Variants in MBD1 observed in about 807,000 individuals in gnomAD.
MBD1 encodes methyl-CpG-binding domain protein 1.
Under a neutral mutation model 82.6 loss-of-function variants are expected in MBD1, and 25 were observed. The ratio of observed to expected loss-of-function variants is 0.30; its 90% CI spans 0.22 to 0.42. The LOEUF (loss-of-function observed/expected upper bound fraction) is 0.42. Among genes scored for constraint, MBD1 ranks in the 10% least tolerant of loss-of-function variants. MBD1 has a pLI of 1.00. For synonymous variants in MBD1, 301 were observed against 303.7 expected (o/e 0.99, Z 0.09); for missense variants, 627 against 819.6 (o/e 0.76, Z 2.87).
chr18:50,278,341 C>T (rs1270723353), intron 2 of MBD1, among the ~76,000 whole-genome samples: 1 of 152,170 alleles, frequency 6.6e-6, no homozygotes, highest in Non-Finnish European at 1.5e-5. Context: ...AAGGGGGAGA[C>T]TACTGTATTC....
In MBD1 at chr18:50,280,089, A is replaced by G. The variant is rs558639928; in HGVS notation, c.-25-72T>C. The G allele has an allele frequency of 3.4e-5, 49 of 1,452,802 alleles. No individual in the cohort carries two copies. In the African/African-American group the frequency reaches 6.3e-4, roughly 19 times the overall value. The allele number at this position is 1,452,802 out of a possible 1,614,324, so 90.0% of individuals were successfully genotyped here. A position where few individuals can be genotyped will look rare whatever the true frequency, so the allele number is the denominator to read the frequency against. ...GACAACACTGTGCCCCAGGCCACAC[A>G]AATCACTGGTATCCATTAGTGCTTG... On this transcript the variant is annotated intron_variant, in intron 1 of 16. Transcript: ENST00000269468.
intron 2 of MBD1, among the ~76,000 whole-genome samples, chr18:50,279,541 T>C (rs1439975432): frequency 6.6e-6 from 1 of 152,084 alleles, no homozygotes; most frequent in Non-Finnish European, 1.5e-5. Flanking sequence ...AGTACAAAAA[T>C]TAGAAAAATG....
chr18:50,277,272 G>A (rs1366607291), intron 2 of MBD1, 68 bp from the exon 3 acceptor site: 2 of 1,279,916 alleles, frequency 1.6e-6, no homozygotes, highest in Non-Finnish European at 2.2e-6. Context: ...ACAACCTTTT[G>A]ACAGGGCTGG....
At chr18:50,273,038 C>G (rs1186470614) in intron 13 of MBD1, 83 bp from the exon 14 acceptor site, 1 of 1,527,466 alleles carries the variant, frequency 6.5e-7, no homozygotes, top group African/African-American at 1.4e-5. Context: ...CCTCACTGTG[C>G]TGACAAATCC....
At chr18:50,279,607 G>A in intron 2 of MBD1, 1 of 410,544 alleles carries the variant, frequency 2.4e-6, no homozygotes, top group Non-Finnish European at 4.5e-6. Context: ...AGCTGAAAAG[G>A]GCTCCTTCAG....
intron 14 of MBD1, 42 bp from the exon 15 acceptor site, chr18:50,272,780 G>A (rs778596591): frequency 1.4e-5 from 23 of 1,614,244 alleles, no homozygotes; most frequent in Non-Finnish European, 1.8e-5. Context: ...GGTTGTTGGG[G>A]CTACAGCAGG....
At chr18:50,273,886 A>G (rs748799510) in intron 11 of MBD1, 23 bp from the exon 12 acceptor site, 1 of 1,609,512 alleles carries the variant, frequency 6.2e-7, no homozygotes, top group East Asian at 2.2e-5. Flanking sequence ...ATAGGGTGCT[A>G]TGGCTACCTG....
Position 50,274,318 on chromosome 18 carries a change from G to A in MBD1, c.1014C>T (p.Cys338=), listed in dbSNP as rs771728190. ...GCCGTAGGCAGGCTGCACAGGCCCCGCACTTGCGGTTCTGCCGGCGGTTCG... is the reference window on the plus strand; with the variant it reads ...GCCGTAGGCAGGCTGCACAGGCCCCACACTTGCGGTTCTGCCGGCGGTTCG... The part of the protein sequence containing the change: ...PYTNRRQNRK[C]GACAACLRRM... The change falls in exon 11 of 17, where the codon TGC becomes TGT. Residue 338 remains cysteine (C), a synonymous_variant. Coordinates refer to ENST00000269468, the MANE Select transcript of MBD1 (RefSeq NM_015846.4). 14 of 1,613,752 alleles carry A rather than the reference G, an allele frequency of 8.7e-6. No homozygotes were observed. The highest frequency in any genetic ancestry group is 5.5e-5 in the South Asian group (5 of 91,072).
chr18:50,272,641 C>T lies in MBD1; in HGVS notation c.1778+36G>A, dbSNP rs763239680. On this transcript the variant is annotated intron_variant, in intron 15 of 16. Transcript: ENST00000269468. ...CTCAGGGCCCACATCTGGCCAACAC[C>T]CACTCCTTCCCCACCCCTCACTGTG... 2.5e-6 allele frequency: 4 copies of T among 1,612,730 alleles called. No homozygotes were observed. In the South Asian group the frequency reaches 3.3e-5, roughly 13 times the overall value.
At chr18:50,271,933 C>T (rs1410151235) in intron 15 of MBD1, among the ~76,000 whole-genome samples, 1 of 152,182 alleles carries the variant, frequency 6.6e-6, no homozygotes, top group Non-Finnish European at 1.5e-5. Context: ...GTCTGGGGCT[C>T]TATGCAGGGT....
At position 50,275,474 on chromosome 18, in the gene MBD1, A is replaced by G. The variant is rs745414860; in HGVS notation, c.792+126T>C. ...CAGACAGAGGCAGGTAGGCGGGGCCAGAAAGGCGAGCATAGGGTTAGGCAG... is the reference window on the plus strand; with the variant it reads ...CAGACAGAGGCAGGTAGGCGGGGCCGGAAAGGCGAGCATAGGGTTAGGCAG... On this transcript the variant is annotated intron_variant, in intron 8 of 16. Coordinates refer to ENST00000269468, the MANE Select transcript of MBD1 (RefSeq NM_015846.4). The G allele has an allele frequency of 8.8e-6, 14 of 1,594,156 alleles. No homozygotes were observed. The South Asian group carries it at 1.3e-4, about 15-fold the overall frequency.
At chr18:50,270,148 G>C in intron 16 of MBD1, 1 of 1,598,266 alleles carries the variant, frequency 6.3e-7, no homozygotes, top group Non-Finnish European at 8.5e-7. Flanking sequence ...AGTTAGGATG[G>C]AATAAAGGAA....
Position 50,272,917 on chromosome 18 carries a change from T to C in MBD1, c.1623A>G (p.Pro541=), listed in dbSNP as rs1599302206. The change falls in exon 14 of 17, where the codon CCA becomes CCG. Residue 541 remains proline, a synonymous_variant. Transcript: ENST00000269468. ...DPGLPSVKQE[P]PDPEEDKEEN... is the part of the protein sequence containing the mutation. ...CCTCCTTGTCCTCCTCTGGGTCAGG[T>C]GGCTCTTGCTTCACAGAAGGCAGGC... The C allele has an allele frequency of 6.2e-7, 1 of 1,614,196 alleles. No homozygotes were observed.
rs2034390668 is a variant in MBD1 at position 50,268,939 on chromosome 18, A to G, written c.*912T>C. 1 of 985,072 alleles carries G rather than the reference A, an allele frequency of 1.0e-6. No homozygotes were observed. The highest frequency in any genetic ancestry group is 1.7e-5 in the African/African-American group (1 of 57,364). The allele number at this position is 985,072 out of a possible 1,614,324, so 61.0% of individuals were successfully genotyped here. ...TTCCAATTCCTACTGTGCCCCAAAC[A>G]AGGTTCACAAAAGGGCTGTCCTCCC... On this transcript the variant is annotated 3_prime_UTR_variant, in exon 17 of 17. Coordinates refer to ENST00000269468, the MANE Select transcript of MBD1 (RefSeq NM_015846.4).
At chr18:50,271,220 C>T (rs558293346) in intron 16 of MBD1, 19 of 1,358,740 alleles carry the variant, frequency 1.4e-5, no homozygotes, top group African/African-American at 4.4e-5. Flanking sequence ...CCAGCTCCCC[C>T]ACCCTTAAAA....
At chr18:50,267,391 C>T, downstream of MBD1, 3 of 509,006 alleles carry the variant, frequency 5.9e-6, no homozygotes, top group East Asian at 3.0e-5. Context: ...TCCTATTTGC[C>T]ATTGGCAGAA....
At chr18:50,270,848 C>T (rs776256937) in intron 16 of MBD1, 4 of 180,402 alleles carry the variant, frequency 2.2e-5, no homozygotes, top group Admixed American at 5.4e-5. Flanking sequence ...TTACAGGTTA[C>T]AGTTTAGTGG....
downstream of MBD1, among the ~76,000 whole-genome samples, chr18:50,268,610 C>T (rs2034291999): frequency 6.6e-6 from 1 of 152,238 alleles, no homozygotes; most frequent in Non-Finnish European, 1.5e-5. Context: ...GCTTTCTCGC[C>T]CCGGCGCCCC....
chr18:50,273,705 G>C lies in MBD1; in HGVS notation c.1305C>G (p.Thr435=), dbSNP rs2036580958. The C allele has an allele frequency of 6.2e-7, 1 of 1,614,054 alleles. No individual in the cohort carries two copies. The highest frequency in any genetic ancestry group is 8.5e-7 in the Non-Finnish European group (1 of 1,180,058). ...LATRTAQPDH[T]QAPTKQEAGG... ...CTGCTTCCTGCTTCGTTGGAGCCTG[G>C]GTATGGTCTGGTTGGGCTGTGCGTG... Residue 435 remains threonine (T), a synonymous_variant, in exon 12 of 17, where the codon ACC becomes ACG. Transcript: ENST00000269468.
Sources: allele counts gnomAD v4.1 joint callset (sites outside exome capture counted in the v4.1 genomes callset), GRCh38; gene constraint gnomAD v4.1.1; transcripts MANE v1.5; gene names NCBI Gene and HGNC (gene_info 2026-07-23, HGNC 2026-07-21).